The following FGR variants were observed in gnomAD, a reference collection of about 807,000 sequenced individuals.
FGR encodes FGR proto-oncogene, Src family tyrosine kinase.
In FGR, 26 loss-of-function variants were observed where a neutral mutation model predicts 63.2. The ratio of observed to expected loss-of-function variants is 0.41; its 90% CI spans 0.30 to 0.57. The LOEUF is 0.57. Ranked by LOEUF, FGR falls within the 20% of genes least tolerant of loss-of-function variation. The pLI, the probability that FGR is intolerant of heterozygous loss-of-function variation, is 0.27. For synonymous variants in FGR, 286 were observed against 277.7 expected, an observed-to-expected ratio of 1.03 and a Z score of -0.30; for missense variants, 511 against 690.8, an observed-to-expected ratio of 0.74 and a Z score of 2.92.
intron 3 of FGR, 103 bp from the exon 4 acceptor site, chr1:27,623,247 C>A: frequency 1.2e-6 from 1 of 804,032 alleles, no homozygotes. Flanking sequence ...CACCTCCCCA[C>A]TCCTTTAGTG....
At chr1:27,635,000 TC>T in intron 1 of FGR, 64 bp downstream of exon 1, 1 of 152,326 alleles carries the variant, frequency 6.6e-6, no homozygotes, top group Non-Finnish European at 1.5e-5. Flanking sequence ...CAGTCCTCTC[TC>T]CAGAGCCTCG....
chr1:27,612,680 G>A lies in FGR; in HGVS notation c.*234C>T, dbSNP rs866514295. On this transcript the variant is annotated 3_prime_UTR_variant, in exon 13 of 13. Transcript: ENST00000374005. ...GCTACAGGCATGTAGGGGCCTAAGT[G>A]GAAAAGGAAGAAATAGTGCTTGGGG... 2.8e-5 allele frequency: 15 copies of A among 534,916 alleles called. No homozygotes were observed. Among genetic ancestry groups the A allele is most frequent in the Non-Finnish European group, 4.4e-5 (13 of 297,430 alleles). The allele number at this position is 534,916 out of a possible 1,614,324, so 33.1% of individuals were successfully genotyped here. A position where few individuals can be genotyped will look rare whatever the true frequency, so the allele number is the denominator to read the frequency against.
intron 3 of FGR, chr1:27,623,369 C>T: frequency 3.3e-6 from 2 of 597,620 alleles, no homozygotes; most frequent in Non-Finnish European, 6.0e-6. Context: ...CCCTTGTTGC[C>T]CACTCCTCCT....
chr1:27,623,167 C>G, intron 3 of FGR, 23 bp from the exon 4 acceptor site: 1 of 1,578,234 alleles, frequency 6.3e-7, no homozygotes, highest in Non-Finnish European at 8.7e-7. Context: ...GGCTACTCAG[C>G]AGGGTAGGGC....
In FGR at chr1:27,613,110, C is replaced by T. The variant is rs2089726621; in HGVS notation, c.1394G>A (p.Arg465Gln). The T allele has an allele frequency of 5.6e-6, 9 of 1,614,112 alleles. No homozygotes were observed. The highest frequency in any genetic ancestry group is 2.2e-5 in the East Asian group (1 of 44,882). Residue 465 changes from arginine to glutamine, a missense_variant, in exon 13 of 13, where the codon CGG (arginine) becomes CAG (glutamine). By Grantham distance (43) the Arg-to-Gln change is conservative. Transcript: ENST00000374005. Reference sequence around the variant, plus strand: ...CTGCTCCACCTGTTCCAACACTTCCCGTTTATTCATGCCTGAAGGATGGGT... The same window carrying T: ...CTGCTCCACCTGTTCCAACACTTCCTGTTTATTCATGCCTGAAGGATGGGT... ...GRIPYPGMNK[R>Q]EVLEQVEQGY... is the part of the protein sequence containing the mutation.
Position 27,618,924 on chromosome 1 carries a change from C to T in FGR, c.429-1628G>A, listed in dbSNP as rs148382702. Among the ~76,000 whole-genome samples the T allele has an allele frequency of 2.1e-3, 313 of 152,332 alleles. 1 individual carries two copies. Among genetic ancestry groups the T allele is most frequent in the African/African-American group, 6.9e-3 (287 of 41,576 alleles). Reference sequence around the variant, plus strand: ...CTCCCAGGCTCTGCTGTCTGGCCTCCGCCTCCCACCCTCACACAGAGAAAT... The same window carrying T: ...CTCCCAGGCTCTGCTGTCTGGCCTCTGCCTCCCACCCTCACACAGAGAAAT... On this transcript the variant is annotated intron_variant, in intron 5 of 12. Transcript: ENST00000374005.
Position 27,617,174 on chromosome 1 carries a change from G to A in FGR, c.532+19C>T, listed in dbSNP as rs758326793. On this transcript the variant is annotated intron_variant, in intron 6 of 12. Coordinates refer to ENST00000374005, the MANE Select transcript of FGR (RefSeq NM_005248.3). This position sits in a 1 kb window ranked among gnomAD's most constrained non-coding sequence, Gnocchi z 4.5. ...TGGCTGGGCCTCCCAGTCGCCTTGG[G>A]GCGTGGCACCACCCCTACCTTTGGT... 1 of 1,611,430 alleles carries A rather than the reference G, an allele frequency of 6.2e-7. No individual in the cohort carries two copies. Among genetic ancestry groups the A allele is most frequent in the African/African-American group, 1.3e-5 (1 of 74,992 alleles).
Position 27,615,644 on chromosome 1 carries a change from T to C in FGR, c.839-31A>G. The C allele has an allele frequency of 6.3e-7, 1 of 1,594,124 alleles. No homozygotes were observed. The highest frequency in any genetic ancestry group is 8.6e-7 in the Non-Finnish European group (1 of 1,164,524). On this transcript the variant is annotated intron_variant, in intron 8 of 12. Coordinates refer to ENST00000374005, the MANE Select transcript of FGR (RefSeq NM_005248.3). The surrounding 1 kb of genome is among the most constrained non-coding windows in gnomAD (Gnocchi z 7.6). Reference sequence around the variant, plus strand: ...CGGAGGCTGTCTTGTCAGGACCCTCTCCCCCGAGCCCAGGCCCTCGTCCCG... The same window carrying C: ...CGGAGGCTGTCTTGTCAGGACCCTCCCCCCCGAGCCCAGGCCCTCGTCCCG...
At chr1:27,632,003 C>T (rs539253098) in intron 1 of FGR, among the ~76,000 whole-genome samples, 7 of 152,178 alleles carry the variant, frequency 4.6e-5, no homozygotes, top group African/African-American at 7.2e-5. Context: ...TCCCTCAGAC[C>T]GGGCGGGCTT....
chr1:27,621,742 G>GGATTCATCTCTGC, intron 4 of FGR, 85 bp from the exon 5 acceptor site: 5 of 957,284 alleles, frequency 5.2e-6, no homozygotes, highest in Non-Finnish European at 8.5e-6. Flanking sequence ...CAGGTCTGCA[G>GGATTCATCTCTGC]AGATGAATCC....
intron 5 of FGR, among the ~76,000 whole-genome samples, chr1:27,620,080 T>A (rs552960683): frequency 6.6e-6 from 1 of 151,332 alleles, no homozygotes; most frequent in South Asian, 2.1e-4. Context: ...ACTTTGGGAG[T>A]CTGAGGCAGG....
chr1:27,627,975 C>G (rs1486123200), intron 1 of FGR, among the ~76,000 whole-genome samples: 1 of 152,026 alleles, frequency 6.6e-6, no homozygotes, highest in African/African-American at 2.4e-5. Context: ...CCAGGGTTGG[C>G]CAGTCACAGT....
chr1:27,618,993 C>A (rs1425823121), intron 5 of FGR, among the ~76,000 whole-genome samples: 1 of 152,130 alleles, frequency 6.6e-6, no homozygotes, highest in African/African-American at 2.4e-5. Flanking sequence ...GCGGTAGCCT[C>A]TGACACGCCC....
chr1:27,625,764 C>A (rs2090011667), intron 1 of FGR, among the ~76,000 whole-genome samples: 1 of 152,148 alleles, frequency 6.6e-6, no homozygotes. Flanking sequence ...TATGGTGAAA[C>A]CCCGTCTCTA....
chr1:27,632,752 CG>C (rs1000870575), intron 1 of FGR, among the ~76,000 whole-genome samples: 1 of 147,598 alleles, frequency 6.8e-6, no homozygotes, highest in Non-Finnish European at 1.5e-5. Context: ...CGGCGGGGGG[CG>C]GGGGTCCAGG....
intron 1 of FGR, among the ~76,000 whole-genome samples, chr1:27,632,748 G>A (rs940674378): frequency 4.6e-5 from 7 of 152,060 alleles, no homozygotes; most frequent in African/African-American, 1.7e-4. Flanking sequence ...ATGGCGGCGG[G>A]GGGCGGGGGT....
At chr1:27,625,773 T>A (rs1284112447) in intron 1 of FGR, among the ~76,000 whole-genome samples, 5 of 152,142 alleles carry the variant, frequency 3.3e-5, no homozygotes, top group Non-Finnish European at 7.3e-5. Context: ...ACCCCGTCTC[T>A]ACTAAAAATA....
At position 27,612,772 on chromosome 1, in the gene FGR, T is replaced by C. The variant is rs1376723019; in HGVS notation, c.*142A>G. 2.8e-6 allele frequency: 2 copies of C among 721,978 alleles called. No homozygotes were observed. The highest frequency in any genetic ancestry group is 1.8e-5 in the African/African-American group (1 of 56,260). The allele number at this position is 721,978 out of a possible 1,614,324, so 44.7% of individuals were successfully genotyped here. A position where few individuals can be genotyped will look rare whatever the true frequency, so the allele number is the denominator to read the frequency against. The stretch of plus-strand genomic sequence containing the variant: ...CATCTGTAAAACAAGTAGGTTGCCC[T>C]AGGTGGTGTCAGAGCAGCCACGTCC... On this transcript the variant is annotated 3_prime_UTR_variant, in exon 13 of 13. Transcript: ENST00000374005.
chr1:27,615,643 C>T lies in FGR; in HGVS notation c.839-30G>A, dbSNP rs183463218. 8.3e-5 allele frequency: 133 copies of T among 1,595,716 alleles called. No individual in the cohort carries two copies. The Admixed American group carries it at 2.0e-3, about 24-fold the overall frequency. Reference sequence around the variant, plus strand: ...TCGGAGGCTGTCTTGTCAGGACCCTCTCCCCCGAGCCCAGGCCCTCGTCCC... The same window carrying T: ...TCGGAGGCTGTCTTGTCAGGACCCTTTCCCCCGAGCCCAGGCCCTCGTCCC... On this transcript the variant is annotated intron_variant, in intron 8 of 12. Transcript: ENST00000374005. This position sits in a 1 kb window ranked among gnomAD's most constrained non-coding sequence, Gnocchi z 7.6.
Sources: gnomAD v4.1 joint callset for allele counts (sites outside exome capture counted in the v4.1 genomes callset) on GRCh38, gnomAD v4.1.1 for gene constraint, Gnocchi (gnomAD v3.1) non-coding constraint, MANE v1.5 for transcripts, NCBI Gene and HGNC (gene_info 2026-07-23, HGNC 2026-07-21) for gene names.